SETX: variants seen among roughly 807,000 people sequenced by gnomAD.
The protein encoded by SETX is senataxin, also known as helicase senataxin.
Under a neutral mutation model 227.2 loss-of-function variants are expected in SETX, and 90 were observed. The ratio of observed to expected loss-of-function variants is 0.40; its 90% CI spans 0.33 to 0.47. SETX has a LOEUF of 0.47. Ranked by LOEUF, SETX falls within the 20% of genes least tolerant of loss-of-function variation. The pLI, the probability that SETX is intolerant of heterozygous loss-of-function variation, is 0.91. For missense variants in SETX, 3,052 were observed against 3,181.5 expected, an observed-to-expected ratio of 0.96 and a Z score of 0.98; for synonymous variants, 1,210 against 1,113.2, an observed-to-expected ratio of 1.09 and a Z score of -1.73.
intron 15 of SETX, among the ~76,000 whole-genome samples, chr9:132,294,109 TAC>T (rs1844520990): frequency 6.6e-6 from 1 of 152,152 alleles, no homozygotes; most frequent in African/African-American, 2.4e-5. Context: ...GCAGTCAACA[TAC>T]ACCTGAAAAG....
chr9:132,349,196 T>A, intron 3 of SETX, 56 bp downstream of exon 3: 1 of 1,527,008 alleles, frequency 6.5e-7, no homozygotes, highest in Non-Finnish European at 9.1e-7. Context: ...AGTTCAAACT[T>A]ACTCTCTTCC....
In SETX at chr9:132,340,304, C is replaced by T. The variant is rs189668076; in HGVS notation, c.498+2386G>A. 3.9e-5 allele frequency among the ~76,000 whole-genome samples: 6 copies of T among 152,222 alleles called. No individual in the cohort carries two copies. The East Asian group carries it at 1.2e-3, about 29-fold the overall frequency. ...TTCTCATTTCACATTAGTATCTTCCCGTATTTCTTCTAGCATGTTTACTAT... is the reference window on the plus strand; with the variant it reads ...TTCTCATTTCACATTAGTATCTTCCTGTATTTCTTCTAGCATGTTTACTAT... On this transcript the variant is annotated intron_variant, in intron 5 of 25. Transcript: ENST00000224140.
At chr9:132,301,976 C>G (rs977816041) in intron 11 of SETX, among the ~76,000 whole-genome samples, 13 of 152,160 alleles carry the variant, frequency 8.5e-5, no homozygotes, top group African/African-American at 2.9e-4. Context: ...AAGAAATGTA[C>G]TAAGTTCAAG....
chr9:132,335,024 C>T (rs1431948377), intron 6 of SETX, among the ~76,000 whole-genome samples: 3 of 146,754 alleles, frequency 2.0e-5, no homozygotes, highest in African/African-American at 7.8e-5. Context: ...CCATATACCA[C>T]TAAGAAAGAA....
At chr9:132,351,705 G>A (rs755594060) in intron 2 of SETX, among the ~76,000 whole-genome samples, 9 of 152,106 alleles carry the variant, frequency 5.9e-5, no homozygotes, top group Non-Finnish European at 8.8e-5. Flanking sequence ...ACCTCAATAG[G>A]GCATATTTTG....
rs1333153197 is a variant in SETX at position 132,281,456 on chromosome 9, A to G, written c.6654+11T>C. 3 of 1,599,952 alleles carry G rather than the reference A, an allele frequency of 1.9e-6. No individual in the cohort carries two copies. The highest frequency in any genetic ancestry group is 1.7e-5 in the Admixed American group (1 of 59,974). On this transcript the variant is annotated intron_variant, in intron 20 of 25. Transcript: ENST00000224140. ...TTCCATTTTAAAGCAATCTGAACAT[A>G]AAAAACTTACCATAGAGATGACTGT...
intron 20 of SETX, among the ~76,000 whole-genome samples, chr9:132,281,083 T>C (rs896374922): frequency 6.6e-6 from 1 of 152,216 alleles, no homozygotes; most frequent in Non-Finnish European, 1.5e-5. Context: ...AGGATTCTTC[T>C]CTTTATTTCT....
In SETX at chr9:132,331,481, A is replaced by G. The variant is rs766556886; in HGVS notation, c.839-33T>C. ...ACAATGGCACAATCGTTGAATTACT[A>G]AACAGTTAGAAAAACATACTACAAT... is the stretch of plus-strand genomic sequence containing the variant. On this transcript the variant is annotated intron_variant, in intron 7 of 25. Coordinates refer to ENST00000224140, the MANE Select transcript of SETX (RefSeq NM_015046.7). 28 of 1,602,196 alleles carry G rather than the reference A, an allele frequency of 1.7e-5. No homozygotes were observed. The African/African-American group carries it at 2.3e-4, about 13-fold the overall frequency.
rs369889969 is a variant in SETX, at chr9:132,288,295, A to T, written c.6265T>A (p.Tyr2089Asn). 6.2e-7 allele frequency: 1 copy of T among 1,614,236 alleles called. No homozygotes were observed. The highest frequency in any genetic ancestry group is 8.5e-7 in the Non-Finnish European group (1 of 1,180,040). Residue 2089 changes from tyrosine (Y) to asparagine (N), a missense_variant, in exon 17 of 26, where the codon TAT becomes AAT. Around this residue, in one of 10 missense-constraint regions of SETX, gnomAD observed 412 missense variants for 589.0 expected, o/e 0.70. Transcript: ENST00000224140. Reference protein sequence around the residue: ...AMHKRKEFLDYQLDELSRQRA... With the variant: ...AMHKRKEFLDNQLDELSRQRA... ...TGCCGGGAAAGCTCATCCAGCTGATAATCTAGAAATTCCTTTCTTTTATGC... is the reference window on the plus strand; with the variant it reads ...TGCCGGGAAAGCTCATCCAGCTGATTATCTAGAAATTCCTTTCTTTTATGC...
chr9:132,294,378 A>C (rs7866104), intron 15 of SETX, among the ~76,000 whole-genome samples: 8,572 of 152,356 alleles, frequency 0.056, 376 homozygotes, highest in East Asian at 0.25. Flanking sequence ...TAAATTATCA[A>C]TGAATAAATG....
At chr9:132,350,235 A>G (rs982147160) in intron 2 of SETX, among the ~76,000 whole-genome samples, 1 of 152,120 alleles carries the variant, frequency 6.6e-6, no homozygotes, top group African/African-American at 2.4e-5. Flanking sequence ...CTGCAATCCT[A>G]GCTGCTTGGG....
At chr9:132,286,012 G>A (rs1031233149) in intron 18 of SETX, among the ~76,000 whole-genome samples, 46 of 147,578 alleles carry the variant, frequency 3.1e-4, no homozygotes, top group Admixed American at 1.4e-3. Flanking sequence ...GTGAAACCCC[G>A]TCTCTACTAA....
intron 5 of SETX, among the ~76,000 whole-genome samples, chr9:132,337,375 AAAG>A (rs1847690625): frequency 6.6e-6 from 1 of 151,994 alleles, no homozygotes; most frequent in Non-Finnish European, 1.5e-5. Flanking sequence ...AGAATAGCAT[AAAG>A]AAGTGATTTT....
At position 132,320,346 on chromosome 9, in the gene SETX, C is replaced by T. The variant is rs371087081; in HGVS notation, c.5274+5978G>A. Among the ~76,000 whole-genome samples the T allele has an allele frequency of 6.6e-5, 10 of 152,070 alleles. No individual in the cohort carries two copies. In the East Asian group the frequency reaches 1.2e-3, roughly 18 times the overall value. On this transcript the variant is annotated intron_variant, in intron 10 of 25. Coordinates refer to ENST00000224140, the MANE Select transcript of SETX (RefSeq NM_015046.7). ...ATCCCAGCACTTTGGGAGGCTGAGG[C>T]GAGCAGATCACAAGGTCAGAAGATT...
At chr9:132,330,781 T>C (rs1222780724) in intron 9 of SETX, among the ~76,000 whole-genome samples, 1 of 152,250 alleles carries the variant, frequency 6.6e-6, no homozygotes, top group Non-Finnish European at 1.5e-5. Context: ...TAGCTAGTTT[T>C]GATTTCTAGT....
At chr9:132,336,950 C>T (rs1008816529) in intron 5 of SETX, among the ~76,000 whole-genome samples, 1 of 152,128 alleles carries the variant, frequency 6.6e-6, no homozygotes, top group African/African-American at 2.4e-5. Flanking sequence ...CCTGTAGTCC[C>T]AGCTACTTGG....
intron 14 of SETX, 69 bp from the exon 15 acceptor site, chr9:132,296,097 T>C (rs954949307): frequency 1.2e-5 from 19 of 1,574,854 alleles, no homozygotes; most frequent in Non-Finnish European, 1.5e-5. Context: ...TTACATAGCT[T>C]TAAAGTTTGT....
rs764826799 is a variant in SETX at position 132,327,850 on chromosome 9, T to C, written c.3748A>G (p.Lys1250Glu). Reference sequence around the variant, plus strand: ...TTTGAACTTCTATTCTGTCCTTTTTTGGCATCTGAATGAGTTTTCTTAGGG... The same window carrying C: ...TTTGAACTTCTATTCTGTCCTTTTTCGGCATCTGAATGAGTTTTCTTAGGG... Reference protein sequence around the residue: ...KTPKKTHSDAKKGQNRSSNYL... With the variant: ...KTPKKTHSDAEKGQNRSSNYL... Residue 1250 changes from lysine to glutamate, a missense_variant, in exon 10 of 26, where the codon AAA becomes GAA. Around this residue, in one of 10 missense-constraint regions of SETX, gnomAD observed 1,483 missense variants for 1,312.0 expected, o/e 1.13. Coordinates refer to ENST00000224140, the MANE Select transcript of SETX (RefSeq NM_015046.7). 1 of 1,614,192 alleles carries C rather than the reference T, an allele frequency of 6.2e-7. No individual in the cohort carries two copies. The highest frequency in any genetic ancestry group is 8.5e-7 in the Non-Finnish European group (1 of 1,180,016).
intron 12 of SETX, among the ~76,000 whole-genome samples, chr9:132,299,965 C>T (rs1300940708): frequency 6.6e-6 from 1 of 151,736 alleles, no homozygotes; most frequent in Non-Finnish European, 1.5e-5. Context: ...CCCGTCTCCA[C>T]TAAAAACACA....
Sources: allele counts gnomAD v4.1 joint callset (sites outside exome capture counted in the v4.1 genomes callset), GRCh38; gene constraint gnomAD v4.1.1; regional missense constraint gnomAD v4.1.1; transcripts MANE v1.5; gene names NCBI Gene and HGNC (gene_info 2026-07-23, HGNC 2026-07-21).